The following ADARB2 variants were observed in gnomAD, a reference collection of about 807,000 sequenced individuals.
The protein encoded by ADARB2 is inactive double-stranded RNA-specific editase B2.
In ADARB2, 25 loss-of-function variants were observed where a neutral mutation model predicts 62.2. That is an observed-to-expected ratio of 0.40 (90% CI 0.29 to 0.56). The LOEUF (loss-of-function observed/expected upper bound fraction) is 0.56, where lower values mean the gene tolerates loss of function less well. ADARB2 is among the 20% of genes least tolerant of loss of function. ADARB2 has a pLI of 0.43. For synonymous variants in ADARB2, 572 were observed against 500.8 expected (o/e 1.14, Z -1.90); for missense variants, 1,071 against 1,077.4 (o/e 0.99, Z 0.08).
intron 1 of ADARB2, among the ~76,000 whole-genome samples, chr10:1,563,282 C>T (rs1471981187): frequency 1.3e-5 from 2 of 152,136 alleles, no homozygotes; most frequent in Admixed American, 6.5e-5. Context: ...CGTGGTCCCC[C>T]TAAGGTGCGG....
In ADARB2 at chr10:1,363,406, G is replaced by A. The variant is rs1832280471; in HGVS notation, c.699C>T (p.Arg233=). Residue 233 remains arginine, a synonymous_variant, in exon 3 of 10, where the codon CGC becomes CGT. Coordinates refer to ENST00000381312, the MANE Select transcript of ADARB2 (RefSeq NM_018702.4). ...LFQEFEPPAP[R]PGLAGGRPGD... Reference sequence around the variant, plus strand: ...CGGGGCGGCCTCCCGCGAGTCCGGGGCGCGGCGCCGGGGGCTCGAACTCCT... The same window carrying A: ...CGGGGCGGCCTCCCGCGAGTCCGGGACGCGGCGCCGGGGGCTCGAACTCCT... 2.2e-6 allele frequency: 3 copies of A among 1,357,684 alleles called. No individual in the cohort carries two copies. The highest frequency in any genetic ancestry group is 3.1e-5 in the East Asian group (1 of 32,180). 84.1% of individuals were successfully genotyped at this position (1,357,684 alleles called of 1,614,324 possible). A position where few individuals can be genotyped will look rare whatever the true frequency, so the allele number is the denominator to read the frequency against.
At chr10:1,363,940 C>T (rs1233152973) in intron 2 of ADARB2, 23 bp from the exon 3 acceptor site, 5 of 1,428,996 alleles carry the variant, frequency 3.5e-6, no homozygotes, top group Non-Finnish European at 4.5e-6. Context: ...ACAGACCAGT[C>T]AGGAGCCTGG....
At chr10:1,448,279 C>A (rs1047555923) in intron 1 of ADARB2, among the ~76,000 whole-genome samples, 1 of 152,178 alleles carries the variant, frequency 6.6e-6, no homozygotes, top group Non-Finnish European at 1.5e-5. Context: ...CTCCATGAAA[C>A]AAATGTGAAT....
chr10:1,396,700 C>T (rs1158274550), intron 1 of ADARB2, among the ~76,000 whole-genome samples: 2 of 144,024 alleles, frequency 1.4e-5, no homozygotes, highest in Non-Finnish European at 3.0e-5. Flanking sequence ...GTCCGTCTCT[C>T]CCCTCCCGAG....
At chr10:1,650,328 C>A (rs188359421) in intron 1 of ADARB2, among the ~76,000 whole-genome samples, 54 of 152,232 alleles carry the variant, frequency 3.5e-4, no homozygotes, top group African/African-American at 1.1e-3. Context: ...GCAAGGGGAG[C>A]CTCCTGGTGT....
chr10:1,599,188 C>T (rs7079955), intron 1 of ADARB2, among the ~76,000 whole-genome samples: 55,736 of 152,106 alleles, frequency 0.37, 10,997 homozygotes, highest in East Asian at 0.62. Flanking sequence ...CTCCCTGCAG[C>T]GTTGACTCGC....
In ADARB2 at chr10:1,351,855, A is replaced by G. The variant is rs1412343383; in HGVS notation, c.1077+11173T>C. 8.6e-5 allele frequency among the ~76,000 whole-genome samples: 13 copies of G among 150,884 alleles called. No homozygotes were observed. The East Asian group carries it at 2.3e-3, about 27-fold the overall frequency. ...TGTCCTAAAACCAGACAAGGCTTAC[A>G]GGTTAGTTCAGGATCTGTGCCTTAT... On this transcript the variant is annotated intron_variant, in intron 3 of 9. Transcript: ENST00000381312.
intron 4 of ADARB2, among the ~76,000 whole-genome samples, chr10:1,258,476 C>A (rs151042472): frequency 0.026 from 3,811 of 144,604 alleles, 67 homozygotes; most frequent in African/African-American, 0.045. Context: ...AAGCAAATGG[C>A]AAACAAAGGC....
At chr10:1,617,590 C>A in intron 1 of ADARB2, among the ~76,000 whole-genome samples, 1 of 147,682 alleles carries the variant, frequency 6.8e-6, no homozygotes. Context: ...ACACACTCTG[C>A]ACTGCCCTGC....
chr10:1,288,024 AC>A (rs2131808809), intron 3 of ADARB2, among the ~76,000 whole-genome samples: 1 of 152,260 alleles, frequency 6.6e-6, no homozygotes, highest in Admixed American at 6.5e-5. Flanking sequence ...GTGGGCCCCC[AC>A]CCCAAAGCAC....
chr10:1,280,542 CTGAAATTCCTAAGTGATGCTCCG>C (rs369947663), intron 3 of ADARB2, among the ~76,000 whole-genome samples: 71 of 146,438 alleles, frequency 4.8e-4, no homozygotes, highest in African/African-American at 1.4e-3. Context: ...GGTGTGGATC[CTGAAATTCCTAAGTGATGCTCCG>C]TGAAATTCCT....
chr10:1,338,724 A>G (rs1461708756), intron 3 of ADARB2, among the ~76,000 whole-genome samples: 1 of 152,226 alleles, frequency 6.6e-6, no homozygotes, highest in Non-Finnish European at 1.5e-5. Context: ...ACATTTTGGC[A>G]TGGTGGATAG....
chr10:1,671,745 T>A (rs935252923), intron 1 of ADARB2, among the ~76,000 whole-genome samples: 5 of 152,000 alleles, frequency 3.3e-5, no homozygotes, highest in African/African-American at 1.2e-4. Context: ...TAACCTGCAA[T>A]AAGAGACGCT....
chr10:1,416,242 C>A (rs748695475), intron 1 of ADARB2, among the ~76,000 whole-genome samples: 34 of 152,320 alleles, frequency 2.2e-4, no homozygotes, highest in South Asian at 2.1e-4. Context: ...TGTACATTTG[C>A]ATGTAAGACA....
intron 1 of ADARB2, among the ~76,000 whole-genome samples, chr10:1,502,405 T>C (rs1008793471): frequency 3.6e-4 from 55 of 152,346 alleles, no homozygotes; most frequent in African/African-American, 1.3e-3. Flanking sequence ...CACACATCCT[T>C]GGTCTCTCAA....
chr10:1,229,757 CAT>C (rs1430331517), intron 6 of ADARB2, among the ~76,000 whole-genome samples: 2 of 21,126 alleles, frequency 9.5e-5, no homozygotes, highest in Non-Finnish European at 2.2e-4. Flanking sequence ...CACGTGATTA[CAT>C]GTGTGCACAT....
intron 1 of ADARB2, among the ~76,000 whole-genome samples, chr10:1,673,999 A>C (rs1834428799): frequency 6.6e-6 from 1 of 152,268 alleles, no homozygotes; most frequent in South Asian, 2.1e-4. Flanking sequence ...CAAAACTGAG[A>C]ATAACAACCA....
chr10:1,436,248 A>C (rs1830835200), intron 1 of ADARB2, among the ~76,000 whole-genome samples: 1 of 152,198 alleles, frequency 6.6e-6, no homozygotes, highest in Non-Finnish European at 1.5e-5. Flanking sequence ...AATTTTCCAG[A>C]ATTTTACAAT....
chr10:1,657,001 T>TGTG (rs1834179456), intron 1 of ADARB2, among the ~76,000 whole-genome samples: 4 of 148,812 alleles, frequency 2.7e-5, no homozygotes, highest in Admixed American at 1.3e-4. Context: ...ATCTAGTGTT[T>TGTG]TGTGTGTGTG....
Sources: allele counts gnomAD v4.1 joint callset (sites outside exome capture counted in the v4.1 genomes callset), GRCh38; gene constraint gnomAD v4.1.1; transcripts MANE v1.5; gene names NCBI Gene and HGNC (gene_info 2026-07-23, HGNC 2026-07-21).